Variants in LAMA2 observed in about 807,000 individuals in gnomAD.
LAMA2 encodes laminin subunit alpha-2.
Under a neutral mutation model 364.8 loss-of-function variants are expected in LAMA2, and 269 were observed. That is an observed-to-expected ratio of 0.74 (90% CI 0.67 to 0.82). LAMA2 has a LOEUF of 0.82. Ranked by LOEUF, LAMA2 falls within the 40% of genes least tolerant of loss-of-function variation. The pLI is 0.00. For missense variants in LAMA2, 3,807 were observed against 3,873.2 expected, an observed-to-expected ratio of 0.98 and a Z score of 0.45; for synonymous variants, 1,379 against 1,370.6, an observed-to-expected ratio of 1.01 and a Z score of -0.14.
At chr6:129,482,606 G>C (rs1784400066) in intron 55 of LAMA2, among the ~76,000 whole-genome samples, 1 of 152,058 alleles carries the variant, frequency 6.6e-6, no homozygotes. Flanking sequence ...ATCAATTTTA[G>C]TATGTAACAT....
chr6:128,969,692 A>G (rs1430716865), intron 1 of LAMA2, among the ~76,000 whole-genome samples: 1 of 152,160 alleles, frequency 6.6e-6, no homozygotes, highest in African/African-American at 2.4e-5. Context: ...AGACCTCCCA[A>G]AGTGCTGGGA....
intron 22 of LAMA2, among the ~76,000 whole-genome samples, chr6:129,307,037 A>G (rs1463150804): frequency 6.6e-6 from 1 of 151,868 alleles, no homozygotes; most frequent in Non-Finnish European, 1.5e-5. Context: ...TATACTTTTC[A>G]TTGTTGTGTA....
intron 1 of LAMA2, among the ~76,000 whole-genome samples, chr6:128,922,342 T>A (rs979453145): frequency 6.6e-6 from 1 of 151,638 alleles, no homozygotes; most frequent in African/African-American, 2.4e-5. Context: ...AAAGTGTTCC[T>A]ATTTCTCCAC....
At chr6:129,283,630 A>T (rs1007876798) in intron 18 of LAMA2, among the ~76,000 whole-genome samples, 5 of 151,390 alleles carry the variant, frequency 3.3e-5, no homozygotes, top group African/African-American at 1.2e-4. Context: ...ATTGCTTAAT[A>T]TTTTGAAAAT....
At chr6:129,475,619 T>G (rs1361527247) in intron 53 of LAMA2, among the ~76,000 whole-genome samples, 1 of 151,764 alleles carries the variant, frequency 6.6e-6, no homozygotes, top group Admixed American at 6.6e-5. Context: ...GCAATTTGAG[T>G]TGTCTCACCA....
intron 9 of LAMA2, among the ~76,000 whole-genome samples, chr6:129,167,338 A>G (rs1376127050): frequency 3.2e-5 from 4 of 124,598 alleles, no homozygotes; most frequent in Non-Finnish European, 6.4e-5. Flanking sequence ...CAGTCCCCAG[A>G]GTGTGATATT....
chr6:129,021,403 A>G (rs966526065), intron 1 of LAMA2, among the ~76,000 whole-genome samples: 1 of 152,198 alleles, frequency 6.6e-6, no homozygotes, highest in African/African-American at 2.4e-5. Flanking sequence ...TTTCAAGTAG[A>G]TTGTAATTGG....
At chr6:129,486,749 G>A (rs549214552) in intron 56 of LAMA2, 127 bp downstream of exon 56, 33 of 878,888 alleles carry the variant, frequency 3.8e-5, no homozygotes, top group African/African-American at 2.7e-4. Context: ...AAAGGATACC[G>A]TAGCTTAATT....
Position 129,314,641 on chromosome 6 carries a change from T to C in LAMA2, c.3412-14T>C, listed in dbSNP as rs1774460688. The C allele has an allele frequency of 6.2e-7, 1 of 1,613,056 alleles. No homozygotes were observed. On this transcript the variant is annotated splice_polypyrimidine_tract_variant and intron_variant, in intron 23 of 64. Transcript: ENST00000421865. Reference sequence around the variant, plus strand: ...TGCCGTTATAAACTCTGAGGGTCTCTTGTCTTTCCTCAGGTGAATGTGGAA... The same window carrying C: ...TGCCGTTATAAACTCTGAGGGTCTCCTGTCTTTCCTCAGGTGAATGTGGAA...
intron 1 of LAMA2, among the ~76,000 whole-genome samples, chr6:128,990,391 G>A (rs1582833359): frequency 1.3e-5 from 2 of 152,148 alleles, no homozygotes; most frequent in South Asian, 4.1e-4. Flanking sequence ...TCTCATAAAT[G>A]TGTACCTAAC....
At chr6:129,037,589 G>A (rs764746449) in intron 1 of LAMA2, among the ~76,000 whole-genome samples, 3 of 151,888 alleles carry the variant, frequency 2.0e-5, no homozygotes, top group South Asian at 2.1e-4. Context: ...TGGTATCTCC[G>A]CATGTTAGTT....
intron 1 of LAMA2, among the ~76,000 whole-genome samples, chr6:129,042,254 G>C (rs1222151800): frequency 6.7e-6 from 1 of 150,284 alleles, no homozygotes; most frequent in Non-Finnish European, 1.5e-5. Context: ...GCAGTGAGTT[G>C]GGATCATACT....
chr6:129,240,698 C>T (rs546275784), intron 12 of LAMA2, among the ~76,000 whole-genome samples: 7 of 152,284 alleles, frequency 4.6e-5, no homozygotes, highest in African/African-American at 1.7e-4. Context: ...TTAATCTATA[C>T]ACTATGTGTC....
intron 1 of LAMA2, among the ~76,000 whole-genome samples, chr6:128,952,778 GT>G (rs962297586): frequency 6.6e-6 from 1 of 152,076 alleles, no homozygotes; most frequent in African/African-American, 2.4e-5. Context: ...TCAGTTGCAG[GT>G]GATAGAAATC....
intron 45 of LAMA2, among the ~76,000 whole-genome samples, chr6:129,449,070 G>T (rs139507396): frequency 6.6e-6 from 1 of 152,182 alleles, no homozygotes; most frequent in Non-Finnish European, 1.5e-5. Flanking sequence ...AAAAGGAAAA[G>T]ACTACTGATT....
intron 1 of LAMA2, among the ~76,000 whole-genome samples, chr6:128,942,778 T>C (rs1780235425): frequency 6.6e-6 from 1 of 152,244 alleles, no homozygotes; most frequent in East Asian, 1.9e-4. Flanking sequence ...TGGGAAGTTA[T>C]CAATTCCATT....
chr6:128,910,000 A>C (rs1041764254), intron 1 of LAMA2, among the ~76,000 whole-genome samples: 9 of 151,902 alleles, frequency 5.9e-5, no homozygotes, highest in East Asian at 5.8e-4. Flanking sequence ...TTCTGCCGAG[A>C]GATCTGCTGT....
intron 1 of LAMA2, among the ~76,000 whole-genome samples, chr6:128,976,059 G>A (rs767040430): frequency 1.3e-5 from 2 of 152,194 alleles, no homozygotes; most frequent in Non-Finnish European, 2.9e-5. Context: ...TCATTAAAAG[G>A]ATGTGAAGTA....
chr6:129,475,380 C>G lies in LAMA2; in HGVS notation c.7440-10C>G, dbSNP rs780175456. On this transcript the variant is annotated splice_polypyrimidine_tract_variant and intron_variant, in intron 52 of 64. Transcript: ENST00000421865. Reference sequence around the variant, plus strand: ...TTTTTGTTTTTTTTTTCCTCTTTCCCGTTATCTAGTATGAAAGCAAGGTAA... The same window carrying G: ...TTTTTGTTTTTTTTTTCCTCTTTCCGGTTATCTAGTATGAAAGCAAGGTAA... 2.0e-6 allele frequency: 3 copies of G among 1,495,196 alleles called. No individual in the cohort carries two copies. Among genetic ancestry groups the G allele is most frequent in the African/African-American group, 1.4e-5 (1 of 70,208 alleles). 92.6% of individuals were successfully genotyped at this position (1,495,196 alleles called of 1,614,324 possible).
Sources: gnomAD v4.1 joint callset for allele counts (sites outside exome capture counted in the v4.1 genomes callset) on GRCh38, gnomAD v4.1.1 for gene constraint, MANE v1.5 for transcripts, NCBI Gene and HGNC (gene_info 2026-07-23, HGNC 2026-07-21) for gene names.